Variants in CCDC138 observed in about 807,000 individuals in gnomAD.
CCDC138 encodes the protein coiled-coil domain-containing protein 138.
CCDC138 carries 66 observed loss-of-function variants against 82.3 expected under a neutral mutation model. The observed-to-expected ratio is 0.80, with a 90% confidence interval of 0.66 to 0.98. The LOEUF (loss-of-function observed/expected upper bound fraction) is 0.98, where lower values mean the gene tolerates loss of function less well. CCDC138 is among the 50% of genes least tolerant of loss of function. The pLI is 0.00. For synonymous variants in CCDC138, 297 were observed against 265.4 expected (o/e 1.12, Z -1.16); for missense variants, 816 against 758.9 (o/e 1.08, Z -0.88).
At chr2:108,873,338 T>C in intron 13 of CCDC138, 113 bp from the exon 14 acceptor site, 6 of 1,012,846 alleles carry the variant, frequency 5.9e-6, no homozygotes, top group Non-Finnish European at 8.0e-6. Context: ...ATGAAAAGAA[T>C]GAAAATCTAA....
At chr2:108,857,305 C>T (rs1430615321) in intron 13 of CCDC138, among the ~76,000 whole-genome samples, 1 of 152,010 alleles carries the variant, frequency 6.6e-6, no homozygotes, top group African/African-American at 2.4e-5. Context: ...TCTGTATCTC[C>T]TGACCTGGCA....
intron 10 of CCDC138, among the ~76,000 whole-genome samples, chr2:108,818,820 CT>C (rs199823267): frequency 0.063 from 9,144 of 144,210 alleles, 304 homozygotes; most frequent in South Asian, 0.15. Flanking sequence ...AAACTTCTGA[CT>C]TTTTTTTTTT....
chr2:108,827,702 G>C (rs562319271), intron 10 of CCDC138, among the ~76,000 whole-genome samples: 53 of 151,970 alleles, frequency 3.5e-4, no homozygotes, highest in African/African-American at 1.1e-3. Context: ...TGTAGTCCCA[G>C]CTACTCGGGA....
At chr2:108,798,719 ACAC>A in intron 6 of CCDC138, 133 bp downstream of exon 6, 1 of 533,972 alleles carries the variant, frequency 1.9e-6, no homozygotes, top group Non-Finnish European at 3.3e-6. Context: ...ACACACACAC[ACAC>A]ACACACACAC....
At chr2:108,799,542 C>A (rs985573110) in intron 6 of CCDC138, among the ~76,000 whole-genome samples, 1 of 152,154 alleles carries the variant, frequency 6.6e-6, no homozygotes. Flanking sequence ...ATGTTAATAG[C>A]ATCATTTTAT....
chr2:108,852,969 A>G (rs1269111001), intron 12 of CCDC138, among the ~76,000 whole-genome samples: 1 of 152,218 alleles, frequency 6.6e-6, no homozygotes, highest in Non-Finnish European at 1.5e-5. Flanking sequence ...TATAGGCACA[A>G]TTTTGTTTGT....
intron 10 of CCDC138, among the ~76,000 whole-genome samples, chr2:108,837,696 G>C (rs1379930154): frequency 6.6e-6 from 1 of 152,090 alleles, no homozygotes; most frequent in African/African-American, 2.4e-5. Flanking sequence ...CATAATACTT[G>C]ATCATAAACA....
chr2:108,796,309 C>T (rs1680878352), intron 5 of CCDC138, among the ~76,000 whole-genome samples: 3 of 152,162 alleles, frequency 2.0e-5, no homozygotes, highest in South Asian at 2.1e-4. Flanking sequence ...CCGCCTCTGC[C>T]TCCCAAAGTG....
chr2:108,852,602 G>A (rs149540543), intron 12 of CCDC138, among the ~76,000 whole-genome samples: 1 of 152,240 alleles, frequency 6.6e-6, no homozygotes, highest in Non-Finnish European at 1.5e-5. Flanking sequence ...TCCTTTGCAG[G>A]GACATGGATG....
At chr2:108,789,106 A>G (rs1021575831) in intron 3 of CCDC138, 140 bp downstream of exon 3, 4 of 666,236 alleles carry the variant, frequency 6.0e-6, no homozygotes, top group Non-Finnish European at 9.8e-6. Flanking sequence ...AGCCTGCTAA[A>G]TAGTTGAAGC....
At chr2:108,805,532 T>C (rs1247582944) in intron 7 of CCDC138, among the ~76,000 whole-genome samples, 2 of 151,220 alleles carry the variant, frequency 1.3e-5, no homozygotes, top group East Asian at 3.9e-4. Context: ...GAGACCATCC[T>C]GGCTAACACA....
chr2:108,795,092 A>G (rs982574359), intron 5 of CCDC138, among the ~76,000 whole-genome samples: 10 of 150,300 alleles, frequency 6.7e-5, no homozygotes, highest in Non-Finnish European at 7.4e-5. Flanking sequence ...TCTCATCAAA[A>G]TTGAACTCTT....
chr2:108,879,700 C>A (rs149416107), downstream of CCDC138, among the ~76,000 whole-genome samples: 1 of 151,908 alleles, frequency 6.6e-6, no homozygotes, highest in East Asian at 1.9e-4. Flanking sequence ...TTTTATAGAT[C>A]AAAAAAGAAA....
chr2:108,849,615 C>T (rs990054312), intron 12 of CCDC138, among the ~76,000 whole-genome samples: 1 of 152,116 alleles, frequency 6.6e-6, no homozygotes, highest in Non-Finnish European at 1.5e-5. Context: ...AGGTTCCTGC[C>T]TAACAGATAC....
intron 6 of CCDC138, among the ~76,000 whole-genome samples, chr2:108,800,497 T>G (rs1681724497): frequency 6.6e-6 from 1 of 151,096 alleles, no homozygotes; most frequent in African/African-American, 2.4e-5. Flanking sequence ...ATTCCTGACC[T>G]CAAGCAATCC....
At chr2:108,835,040 A>G (rs1227744506) in intron 10 of CCDC138, among the ~76,000 whole-genome samples, 1 of 152,256 alleles carries the variant, frequency 6.6e-6, no homozygotes, top group Non-Finnish European at 1.5e-5. Context: ...TGAGATTCAA[A>G]TAATGCTGCT....
At chr2:108,850,748 G>T (rs575472139) in intron 12 of CCDC138, among the ~76,000 whole-genome samples, 8 of 152,124 alleles carry the variant, frequency 5.3e-5, no homozygotes, top group Non-Finnish European at 8.8e-5. Context: ...ACTGCGCCTG[G>T]CCAGTTGGTG....
At chr2:108,799,594 A>G (rs554494683) in intron 6 of CCDC138, among the ~76,000 whole-genome samples, 187 of 152,312 alleles carry the variant, frequency 1.2e-3, no homozygotes, top group African/African-American at 4.3e-3. Flanking sequence ...GTTTATTTAC[A>G]GTGTTTCTTG....
rs1573873534 is a variant in CCDC138, at chr2:108,786,773, G to C, written c.-50G>C. 1 of 1,507,152 alleles carries C rather than the reference G, an allele frequency of 6.6e-7. No individual in the cohort carries two copies. Among genetic ancestry groups the C allele is most frequent in the East Asian group, 2.4e-5 (1 of 41,878 alleles). The allele number at this position is 1,507,152 out of a possible 1,614,324, so 93.4% of individuals were successfully genotyped here. A position where few individuals can be genotyped will look rare whatever the true frequency, so the allele number is the denominator to read the frequency against. Reference sequence around the variant, plus strand: ...ACGCACTGCGGCCGCGTAGCGCCGCGGGTTTGATGAACGCGGTTCCCGGGG... The same window carrying C: ...ACGCACTGCGGCCGCGTAGCGCCGCCGGTTTGATGAACGCGGTTCCCGGGG... On this transcript the variant is annotated 5_prime_UTR_variant, in exon 1 of 15. Coordinates refer to ENST00000295124, the MANE Select transcript of CCDC138 (RefSeq NM_144978.3).
Sources: gnomAD v4.1 joint callset for allele counts (sites outside exome capture counted in the v4.1 genomes callset) on GRCh38, gnomAD v4.1.1 for gene constraint, MANE v1.5 for transcripts, NCBI Gene and HGNC (gene_info 2026-07-23, HGNC 2026-07-21) for gene names.